ZYG11B: variants seen among roughly 807,000 people sequenced by gnomAD.
ZYG11B encodes the protein protein zyg-11 homolog B.
ZYG11B carries 36 observed loss-of-function variants against 82.4 expected under a neutral mutation model. The observed-to-expected ratio is 0.44, with a 90% CI of 0.33 to 0.58. The LOEUF is 0.58. Among genes scored for constraint, ZYG11B ranks in the 20% least tolerant of loss-of-function variants. The pLI, the probability that ZYG11B is intolerant of heterozygous loss-of-function variation, is 0.02. For missense variants in ZYG11B, 552 were observed against 895.6 expected, an observed-to-expected ratio of 0.62 and a Z score of 4.90; for synonymous variants, 303 against 312.8, an observed-to-expected ratio of 0.97 and a Z score of 0.33.
At chr1:52,733,035 C>T (rs1441412378) in intron 1 of ZYG11B, among the ~76,000 whole-genome samples, 3 of 152,056 alleles carry the variant, frequency 2.0e-5, no homozygotes, top group African/African-American at 4.8e-5. Context: ...AAAGCTCATG[C>T]GTGGAAGCAA....
intron 1 of ZYG11B, among the ~76,000 whole-genome samples, chr1:52,735,181 C>T (rs1644369291): frequency 6.6e-6 from 1 of 151,722 alleles, no homozygotes; most frequent in South Asian, 2.1e-4. Context: ...CAGGCATGTG[C>T]CACCATGCCT....
Position 52,803,171 on chromosome 1 carries a change from CACAT to C in ZYG11B, c.1695+1034_1695+1037del, listed in dbSNP as rs1196746473. 1.0e-3 allele frequency among the ~76,000 whole-genome samples: 54 copies of C among 53,378 alleles called. 4 individuals carry two copies. The highest frequency in any genetic ancestry group is 9.8e-3 in the African/African-American group (44 of 4,502). 35.0% of individuals were successfully genotyped at this position (53,378 alleles called of 152,430 possible). A position where few individuals can be genotyped will look rare whatever the true frequency, so the allele number is the denominator to read the frequency against. The stretch of plus-strand genomic sequence containing the variant: ...ATATATATACACATATATATATACA[CACAT>C]ATATATATATATACACATATATATA... On this transcript the variant is annotated intron_variant, in intron 10 of 13. Transcript: ENST00000294353.
chr1:52,765,803 A>G (rs1188713898), intron 2 of ZYG11B, among the ~76,000 whole-genome samples: 2 of 152,004 alleles, frequency 1.3e-5, no homozygotes, highest in Non-Finnish European at 1.5e-5. Context: ...GTGCCTGCTC[A>G]TTATTTCTTT....
rs1188567605 is a variant in ZYG11B, at chr1:52,813,688, T to A, written c.1848T>A (p.Ala616=). 1 of 1,614,158 alleles carries A rather than the reference T, an allele frequency of 6.2e-7. No individual in the cohort carries two copies. The highest frequency in any genetic ancestry group is 8.5e-7 in the Non-Finnish European group (1 of 1,180,028). ...IAHLISRGEQ[A]WTLSRSQRNS... is the part of the protein sequence containing the mutation. ...ATTTAATATCCAGAGGTGAACAAGC[T>A]TGGACATTGAGTCGTAGCCAGAGGA... Residue 616 remains alanine (A), a synonymous_variant, in exon 11 of 14, where the codon GCT becomes GCA. Coordinates refer to ENST00000294353, the MANE Select transcript of ZYG11B (RefSeq NM_024646.3).
intron 1 of ZYG11B, among the ~76,000 whole-genome samples, chr1:52,737,068 GC>G (rs998943159): frequency 6.6e-6 from 1 of 151,476 alleles, no homozygotes; most frequent in Non-Finnish European, 1.5e-5. Flanking sequence ...TGCCTGGAAT[GC>G]TGGGGTTTCA....
At chr1:52,788,047 A>G (rs149424190) in intron 5 of ZYG11B, among the ~76,000 whole-genome samples, 66 of 152,280 alleles carry the variant, frequency 4.3e-4, no homozygotes, top group African/African-American at 1.5e-3. Context: ...ACCTATGCCT[A>G]CATATATTTT....
At chr1:52,768,263 T>G (rs901721590) in intron 2 of ZYG11B, among the ~76,000 whole-genome samples, 1 of 152,104 alleles carries the variant, frequency 6.6e-6, no homozygotes, top group African/African-American at 2.4e-5. Context: ...GCTGGCTCCT[T>G]CAACTTTAGA....
At chr1:52,754,672 G>A (rs990718634) in intron 1 of ZYG11B, among the ~76,000 whole-genome samples, 4 of 152,260 alleles carry the variant, frequency 2.6e-5, no homozygotes, top group Non-Finnish European at 1.5e-5. Context: ...ATTAGCCACC[G>A]TGCCCTTTTC....
chr1:52,801,765 A>G lies in ZYG11B; in HGVS notation c.1486-54A>G, dbSNP rs1002473631. On this transcript the variant is annotated intron_variant, in intron 8 of 13. Transcript: ENST00000294353. ...GGACTTGGGGTTATTAATCACCACAAATTGTAATAACAGTTCAAAAGTGAA... is the reference window on the plus strand; with the variant it reads ...GGACTTGGGGTTATTAATCACCACAGATTGTAATAACAGTTCAAAAGTGAA... The G allele has an allele frequency of 9.7e-6, 14 of 1,443,410 alleles. No homozygotes were observed. In the Admixed American group the frequency reaches 1.4e-4, roughly 14 times the overall value. The allele number at this position is 1,443,410 out of a possible 1,614,324, so 89.4% of individuals were successfully genotyped here. A position where few individuals can be genotyped will look rare whatever the true frequency, so the allele number is the denominator to read the frequency against.
At chr1:52,807,742 T>C (rs1645152778) in intron 10 of ZYG11B, among the ~76,000 whole-genome samples, 3 of 152,080 alleles carry the variant, frequency 2.0e-5, no homozygotes, top group South Asian at 4.2e-4. Context: ...CCACCCACCT[T>C]GGCCTCCCAA....
rs1644417231 is a variant in ZYG11B at position 52,740,758 on chromosome 1, T to G, written c.30+14075T>G. Among the ~76,000 whole-genome samples the G allele has an allele frequency of 5.3e-5, 8 of 151,046 alleles. No homozygotes were observed. The South Asian group carries it at 1.7e-3, about 32-fold the overall frequency. On this transcript the variant is annotated intron_variant, in intron 1 of 13. Transcript: ENST00000294353. ...TTTTGTATTTTTAGTAGAAACGGGG[T>G]TTCACCATGTTGGCCAGGCTGGTCT...
chr1:52,784,860 T>G lies in ZYG11B; in HGVS notation c.1093-17T>G. 6.2e-7 allele frequency: 1 copy of G among 1,611,024 alleles called. No individual in the cohort carries two copies. The highest frequency in any genetic ancestry group is 1.1e-5 in the South Asian group (1 of 90,878). On this transcript the variant is annotated splice_polypyrimidine_tract_variant and intron_variant, in intron 4 of 13. Transcript: ENST00000294353. ...TATTTATAAGGTGAATTAAGAGGAC[T>G]AATTTTTTTTTTCCAGCTTGTGGTT...
At chr1:52,776,228 A>AT (rs1418434046) in intron 3 of ZYG11B, among the ~76,000 whole-genome samples, 3,086 of 81,070 alleles carry the variant, frequency 0.038, 420 homozygotes, top group Non-Finnish European at 0.06. Flanking sequence ...TTAAAAAAAA[A>AT]AATATATATA....
rs1448779066 is a variant in ZYG11B at position 52,776,210 on chromosome 1, ACT to A, written c.952-3640_952-3639del. Among the ~76,000 whole-genome samples the A allele has an allele frequency of 5.0e-5, 6 of 120,640 alleles. No homozygotes were observed. The Admixed American group carries it at 5.5e-4, about 11-fold the overall frequency. The allele number at this position is 120,640 out of a possible 152,430, so 79.1% of individuals were successfully genotyped here. On this transcript the variant is annotated intron_variant, in intron 3 of 13. Transcript: ENST00000294353. ...TTCCTGCCTGAACAACAAGAGCAAAACTCTGTCTTAAAAAAAAAAATATATAT... is the reference window on the plus strand; with the variant it reads ...TTCCTGCCTGAACAACAAGAGCAAAACTGTCTTAAAAAAAAAAATATATAT...
chr1:52,765,695 G>A (rs932805945), intron 2 of ZYG11B, among the ~76,000 whole-genome samples: 15 of 152,226 alleles, frequency 9.9e-5, no homozygotes, highest in African/African-American at 3.6e-4. Flanking sequence ...TTGGGATGGA[G>A]TCTTGCAATG....
At chr1:52,789,963 ATATTT>A (rs761428027) in intron 5 of ZYG11B, 35 bp from the exon 6 acceptor site, 7 of 1,428,812 alleles carry the variant, frequency 4.9e-6, no homozygotes, top group Admixed American at 2.0e-5. Flanking sequence ...TAACAAAGTG[ATATTT>A]TATTTAGGAT....
chr1:52,729,025 C>T (rs976651730), intron 1 of ZYG11B, among the ~76,000 whole-genome samples: 1 of 152,104 alleles, frequency 6.6e-6, no homozygotes, highest in East Asian at 1.9e-4. Context: ...AACAAAATAC[C>T]ATAAACTAGG....
intron 12 of ZYG11B, 110 bp from the exon 13 acceptor site, chr1:52,816,422 C>G: frequency 1.4e-6 from 1 of 710,900 alleles, no homozygotes; most frequent in Non-Finnish European, 2.4e-6. Context: ...TTATATTAGT[C>G]TAAATATAAT....
intron 5 of ZYG11B, 87 bp from the exon 6 acceptor site, chr1:52,789,912 CTTCT>C: frequency 1.2e-6 from 1 of 861,170 alleles, no homozygotes; most frequent in East Asian, 2.8e-5. Context: ...CATCAGTCTT[CTTCT>C]TTTTTTTTTT....
Sources: gnomAD v4.1 joint callset for allele counts (sites outside exome capture counted in the v4.1 genomes callset) on GRCh38, gnomAD v4.1.1 for gene constraint, MANE v1.5 for transcripts, NCBI Gene and HGNC (gene_info 2026-07-23, HGNC 2026-07-21) for gene names.